MAP3K12: variants seen among roughly 807,000 people sequenced by gnomAD.
The protein encoded by MAP3K12 is mitogen-activated protein kinase kinase kinase 12, also known as MAPK-upstream kinase.
MAP3K12 carries 14 observed loss-of-function variants against 87.5 expected under a neutral mutation model. The observed-to-expected ratio is 0.16, with a 90% confidence interval of 0.11 to 0.25. The LOEUF (loss-of-function observed/expected upper bound fraction) is 0.25. Among genes scored for constraint, MAP3K12 ranks in the 10% least tolerant of loss-of-function variants. MAP3K12 has a pLI of 1.00. For missense variants in MAP3K12, 802 were observed against 1,140.4 expected (o/e 0.70, Z 4.27); for synonymous variants, 469 against 452.5 (o/e 1.04, Z -0.46).
chr12:53,481,507 G>A (rs916259473), intron 13 of MAP3K12: 17 of 295,212 alleles, frequency 5.8e-5, no homozygotes, highest in Admixed American at 2.8e-4. Flanking sequence ...GCACCACCAC[G>A]CCCAGCTAAT....
At chr12:53,484,189 C>T (rs2137185546) in intron 7 of MAP3K12, 68 bp downstream of exon 7, 1 of 1,469,504 alleles carries the variant, frequency 6.8e-7, no homozygotes, top group South Asian at 1.2e-5. Context: ...TTCCCAGCCT[C>T]CCCCTCAAAT....
Position 53,486,894 on chromosome 12 carries a change from A to G in MAP3K12, c.445+53T>C. On this transcript the variant is annotated intron_variant, in intron 2 of 13. Coordinates refer to ENST00000547488, the MANE Select transcript of MAP3K12 (RefSeq NM_001193511.2). This position sits in a 1 kb window ranked among gnomAD's most constrained non-coding sequence, Gnocchi z 4.9. ...CGTGACTTTAGCGGAGCTGACCAAC[A>G]GATCTCGGGCTCAGGGAAACAGAGA... 2 of 1,598,098 alleles carry G rather than the reference A, an allele frequency of 1.3e-6. No homozygotes were observed. The highest frequency in any genetic ancestry group is 1.1e-5 in the South Asian group (1 of 89,034).
intron 1 of MAP3K12, among the ~76,000 whole-genome samples, chr12:53,498,907 GCTGTGTGTGTGTGTGT>G (rs1241214458): frequency 8.3e-6 from 1 of 120,626 alleles, no homozygotes; most frequent in African/African-American, 3.2e-5. Context: ...GGTCCAGCCT[GCTGTGTGTGTGTGTGT>G]GTGTGTGTGT....
Position 53,482,954 on chromosome 12 carries a change from G to A in MAP3K12, c.1849C>T (p.Pro617Ser), listed in dbSNP as rs777045103. 6.2e-7 allele frequency: 1 copy of A among 1,602,872 alleles called. No homozygotes were observed. Among genetic ancestry groups the A allele is most frequent in the Non-Finnish European group, 8.5e-7 (1 of 1,176,444 alleles). ...GGAGGGCAGGCCTCCCAGGCTGAGG[G>A]TCCCCCTCCTAGGCCCCCTGGGCTT... is the stretch of plus-strand genomic sequence containing the variant. ...PGSPGGLGGG[P>S]SAWEACPPAL... Residue 617 changes from proline to serine, a missense_variant, in exon 11 of 14, where the codon CCC (proline) becomes TCC (serine). Around this residue, in one of 5 missense-constraint regions of MAP3K12, gnomAD observed 490 missense variants for 496.6 expected, o/e 0.99. Transcript: ENST00000547488.
Position 53,486,607 on chromosome 12 carries a change from G to C in MAP3K12, c.461C>G (p.Pro154Arg), listed in dbSNP as rs768560564. 2 of 1,603,316 alleles carry C rather than the reference G, an allele frequency of 1.2e-6. No individual in the cohort carries two copies. Among genetic ancestry groups the C allele is most frequent in the South Asian group, 2.2e-5 (2 of 89,952 alleles). ...KQQQEDLWEV[P>R]FEEILDLQWV... ...CTGCAGGTCCAGGATTTCCTCAAAG[G>C]GGACCTCCCAAAGGTCTGTGGGCAG... Residue 154 changes from proline (P) to arginine (R), a missense_variant, in exon 3 of 14, where the codon CCC becomes CGC. Physicochemically the swap from Pro to Arg is moderately radical, Grantham distance 103 (BLOSUM62 -2). Around this residue, in one of 5 missense-constraint regions of MAP3K12, gnomAD observed 57 missense variants for 161.8 expected, o/e 0.35. Transcript: ENST00000547488. This position sits in a 1 kb window ranked among gnomAD's most constrained non-coding sequence, Gnocchi z 4.9.
At chr12:53,487,484 C>T (rs1337364618) in intron 1 of MAP3K12, 56 bp from the exon 2 acceptor site, 1 of 1,503,312 alleles carries the variant, frequency 6.7e-7, no homozygotes, top group Non-Finnish European at 8.9e-7. Context: ...ACTGCCTGCT[C>T]AGGACACTTA....
chr12:53,501,081 G>T (rs894633144), upstream of MAP3K12: 18 of 387,546 alleles, frequency 4.6e-5, no homozygotes, highest in South Asian at 4.2e-4. Flanking sequence ...CCGGGAGAGA[G>T]GGGGCGCGGA....
At position 53,487,306 on chromosome 12, in the gene MAP3K12, A is replaced by G; in HGVS notation, c.86T>C (p.Leu29Pro). The change falls in exon 2 of 14, where the codon CTG becomes CCG. Residue 29 changes from leucine to proline, a missense_variant. Leu to Pro is a moderately conservative substitution (Grantham distance 98). Transcript: ENST00000547488. ...AGTGCAGTCAGAAGTGTCTGGGTCC[A>G]GCTTGCGCATGGATGCCTCACTTAG... is the stretch of plus-strand genomic sequence containing the variant. Reference protein sequence around the residue: ...STLSEASMRKLDPDTSDCTPE... With the variant: ...STLSEASMRKPDPDTSDCTPE... 6.2e-7 allele frequency: 1 copy of G among 1,614,026 alleles called. No homozygotes were observed. Among genetic ancestry groups the G allele is most frequent in the Non-Finnish European group, 8.5e-7 (1 of 1,179,982 alleles).
At chr12:53,496,478 TC>T (rs780208792) in intron 1 of MAP3K12, among the ~76,000 whole-genome samples, 1 of 152,112 alleles carries the variant, frequency 6.6e-6, no homozygotes, top group African/African-American at 2.4e-5. Context: ...CATGGAGGCC[TC>T]GGGGAAGGGG....
intron 1 of MAP3K12, among the ~76,000 whole-genome samples, chr12:53,492,426 G>A (rs565404817): frequency 1.3e-5 from 2 of 152,166 alleles, no homozygotes; most frequent in South Asian, 2.1e-4. Context: ...CCGGAGGATC[G>A]CCTTAAGCCC....
At chr12:53,491,673 TCCG>T (rs1943411386) in intron 1 of MAP3K12, among the ~76,000 whole-genome samples, 1 of 151,730 alleles carries the variant, frequency 6.6e-6, no homozygotes, top group South Asian at 2.1e-4. Flanking sequence ...GACCTCATGA[TCCG>T]CCCATCTCGG....
chr12:53,501,513 G>C (rs781406868), upstream of MAP3K12: 2 of 1,551,330 alleles, frequency 1.3e-6, no homozygotes, highest in Non-Finnish European at 1.7e-6. Flanking sequence ...GGGCCGTGCG[G>C]AGGGAGTAGC....
Position 53,482,375 on chromosome 12 carries a change from G to A in MAP3K12, c.2239-6C>T, listed in dbSNP as rs374031856. On this transcript the variant is annotated splice_polypyrimidine_tract_variant and splice_region_variant and intron_variant, in intron 11 of 13. Transcript: ENST00000547488. The stretch of plus-strand genomic sequence containing the variant: ...TCCGATGAGATGCCACGTTTCTGCA[G>A]GAGAGATGGGGTGGGGGGGGTCTGA... 144 of 1,613,782 alleles carry A rather than the reference G, an allele frequency of 8.9e-5. No individual in the cohort carries two copies. Among genetic ancestry groups the A allele is most frequent in the Non-Finnish European group, 1.1e-4 (133 of 1,180,002 alleles).
At chr12:53,484,925 G>C in intron 6 of MAP3K12, 131 bp downstream of exon 6, 1 of 1,208,668 alleles carries the variant, frequency 8.3e-7, no homozygotes, top group Non-Finnish European at 1.2e-6. Flanking sequence ...AAGGTAGCAT[G>C]AGCCTGATTC....
intron 13 of MAP3K12, 71 bp from the exon 14 acceptor site, chr12:53,481,351 G>A (rs1943033390): frequency 8.6e-6 from 7 of 818,468 alleles, no homozygotes; most frequent in Non-Finnish European, 1.2e-5. Context: ...ATAGCCAGTG[G>A]CTTACTGATT....
At chr12:53,484,448 G>T in intron 6 of MAP3K12, 83 bp from the exon 7 acceptor site, 1 of 967,346 alleles carries the variant, frequency 1.0e-6, no homozygotes, top group Non-Finnish European at 1.6e-6. Flanking sequence ...CCCAAAGTGT[G>T]TCCTGGAGAA....
Position 53,487,248 on chromosome 12 carries a change from T to C in MAP3K12, c.144A>G (p.Val48=). The C allele has an allele frequency of 6.2e-7, 1 of 1,613,342 alleles. No individual in the cohort carries two copies. ...PEKDLTPTQC[V]LRDVVPLGGQ... ...CACCAAGGGGTACCACATCTCGAAG[T>C]ACACACTGGGTAGGCGTCAGGTCCT... The change falls in exon 2 of 14, where the codon GTA becomes GTG. Residue 48 remains valine (V), a synonymous_variant. Coordinates refer to ENST00000547488, the MANE Select transcript of MAP3K12 (RefSeq NM_001193511.2).
intron 1 of MAP3K12, chr12:53,493,600 G>A (rs958883033): frequency 6.6e-6 from 1 of 152,540 alleles, no homozygotes; most frequent in Non-Finnish European, 1.5e-5. Flanking sequence ...TGGAAAAGCA[G>A]AGGACCCTGA....
intron 1 of MAP3K12, among the ~76,000 whole-genome samples, chr12:53,491,301 A>AAAAAAGAAAAAG (rs796169121): frequency 0.11 from 11,616 of 101,058 alleles, 1,208 homozygotes; most frequent in Middle Eastern, 0.18. Flanking sequence ...AAAAAAAAAA[A>AAAAAAGAAAAAG]AAAAGAAAAG....
Sources: gnomAD v4.1 joint callset for allele counts (sites outside exome capture counted in the v4.1 genomes callset) on GRCh38, gnomAD v4.1.1 for gene constraint, gnomAD v4.1.1 regional missense constraint, Gnocchi (gnomAD v3.1) non-coding constraint, MANE v1.5 for transcripts, NCBI Gene and HGNC (gene_info 2026-07-23, HGNC 2026-07-21) for gene names.